ATP8B3: variants seen among roughly 807,000 people sequenced by gnomAD.
ATP8B3 encodes phospholipid-transporting ATPase IK.
In ATP8B3, 141 loss-of-function variants were observed where a neutral mutation model predicts 140.9. The ratio of observed to expected loss-of-function variants is 1.00; its 90% confidence interval spans 0.87 to 1.15. The LOEUF (loss-of-function observed/expected upper bound fraction) is 1.15. ATP8B3 is among the 50% of genes most tolerant of loss of function. The pLI is 0.00. For synonymous variants in ATP8B3, 765 were observed against 714.6 expected (o/e 1.07, Z -1.13); for missense variants, 1,874 against 1,740.6 (o/e 1.08, Z -1.36).
Position 1,800,066 on chromosome 19 carries a change from C to G in ATP8B3, c.1433G>C (p.Arg478Pro), listed in dbSNP as rs745956143. ...CAGGTGGTCGTTGAGGCTGGTGCTGCGGGCCTTGGCAGGCACGTCCTGCGG... is the reference window on the plus strand; with the variant it reads ...CAGGTGGTCGTTGAGGCTGGTGCTGGGGGCCTTGGCAGGCACGTCCTGCGG... ...YKPQDVPAKA[R>P]STSLNDHLGQ... The change falls in exon 14 of 29, where the codon CGC becomes CCC. Residue 478 changes from arginine (R) to proline (P), a missense_variant. Physicochemically the swap from Arg to Pro is moderately radical, Grantham distance 103. Coordinates refer to ENST00000310127, the MANE Select transcript of ATP8B3 (RefSeq NM_138813.4). The surrounding 1 kb of genome is among the most constrained non-coding windows in gnomAD (Gnocchi z 4.4). 6.3e-7 allele frequency: 1 copy of G among 1,589,352 alleles called. No homozygotes were observed. Among genetic ancestry groups the G allele is most frequent in the African/African-American group, 1.3e-5 (1 of 74,580 alleles).
rs550539015 is a variant in ATP8B3, at chr19:1,811,547, C to A, written c.190G>T (p.Glu64Ter). ...CCAGGCTGGGCCTTGTGCCTCCTCT[C>A]AGGTGCCCCTCTGCCTGGGGAGTCT... is the stretch of plus-strand genomic sequence containing the variant. ...MGDSPGRGAP[E>*]RRHKAQPGRA... is the part of the protein sequence containing the mutation. Residue 64 changes from glutamate (E) to a stop codon, truncating the protein, a stop_gained, in exon 2 of 29, where the codon GAG becomes TAG. Transcript: ENST00000310127. LOFTEE classifies it high-confidence loss of function. 8.7e-6 allele frequency: 14 copies of A among 1,612,386 alleles called. No individual in the cohort carries two copies. The highest frequency in any genetic ancestry group is 1.3e-5 in the African/African-American group (1 of 75,038).
Position 1,789,631 on chromosome 19 carries a change from C to T in ATP8B3, c.2575G>A (p.Asp859Asn), listed in dbSNP as rs776734132. The T allele has an allele frequency of 6.3e-7, 1 of 1,595,370 alleles. No individual in the cohort carries two copies. Among genetic ancestry groups the T allele is most frequent in the South Asian group, 1.1e-5 (1 of 88,948 alleles). Residue 859 changes from aspartate (D) to asparagine (N), a missense_variant, in exon 23 of 29, where the codon GAT (aspartate) becomes AAT (asparagine). By Grantham distance (23) the Asp-to-Asn change is conservative. Around this residue, in one of 3 missense-constraint regions of ATP8B3, gnomAD observed 840 missense variants for 760.9 expected, o/e 1.10. Transcript: ENST00000310127. ...AWQELGQSRR[D>N]FLYARRLSLL... ...GACAGGCGCCTGGCGTAGAGGAAAT[C>T]CCTCCTGGACTGGCCGAGCTCCTGC...
chr19:1,797,261 G>A (rs1441091699), intron 14 of ATP8B3, among the ~76,000 whole-genome samples: 2 of 151,848 alleles, frequency 1.3e-5, no homozygotes, highest in African/African-American at 4.8e-5. Context: ...GCCTGGAGCC[G>A]GATGCGGCCC....
At chr19:1,810,206 A>G (rs1184944576) in intron 3 of ATP8B3, among the ~76,000 whole-genome samples, 1 of 152,186 alleles carries the variant, frequency 6.6e-6, no homozygotes, top group Non-Finnish European at 1.5e-5. Flanking sequence ...AATCCTAGGC[A>G]AGGCCTGACG....
chr19:1,802,744 G>A (rs2068895505), intron 10 of ATP8B3, 99 bp from the exon 11 acceptor site: 18 of 1,404,814 alleles, frequency 1.3e-5, no homozygotes, highest in Non-Finnish European at 1.5e-5. Context: ...CCACCCTCAC[G>A]AGCCCCTCTG....
At chr19:1,783,680 G>A (rs2145165908) in intron 28 of ATP8B3, among the ~76,000 whole-genome samples, 1 of 152,322 alleles carries the variant, frequency 6.6e-6, no homozygotes, top group South Asian at 2.1e-4. Flanking sequence ...GTGAGCCTGG[G>A]ACAGCCAGGT....
At chr19:1,809,838 G>T (rs1012626222) in intron 3 of ATP8B3, 104 bp from the exon 4 acceptor site, 3 of 986,484 alleles carry the variant, frequency 3.0e-6, no homozygotes, top group Non-Finnish European at 4.6e-6. Context: ...CCCAGGCACT[G>T]GGGAGGCCCG....
In ATP8B3 at chr19:1,797,114, A is replaced by G. The variant is rs1163392435; in HGVS notation, c.1553-109T>C. The G allele has an allele frequency of 7.8e-6, 12 of 1,531,992 alleles. 1 individual carries two copies. The East Asian group carries it at 9.5e-5, about 12-fold the overall frequency. The allele number at this position is 1,531,992 out of a possible 1,614,324, so 94.9% of individuals were successfully genotyped here. ...TTCCGGGGGCCACTGGTGCAGCCAC[A>G]CAAGCCAGGCCTGTGGCCCTGGAAC... On this transcript the variant is annotated intron_variant, in intron 14 of 28. Transcript: ENST00000310127.
chr19:1,789,627 A>T lies in ATP8B3; in HGVS notation c.2579T>A (p.Phe860Tyr), dbSNP rs775511201. 4 of 1,594,912 alleles carry T rather than the reference A, an allele frequency of 2.5e-6. No homozygotes were observed. In the African/African-American group the frequency reaches 5.4e-5, roughly 21 times the overall value. The change falls in exon 23 of 29, where the codon TTC (phenylalanine) becomes TAC (tyrosine). Residue 860 changes from phenylalanine (F) to tyrosine (Y), a missense_variant. By Grantham distance (22) the Phe-to-Tyr change is conservative. Around this residue, in one of 3 missense-constraint regions of ATP8B3, gnomAD observed 840 missense variants for 760.9 expected, o/e 1.10. Transcript: ENST00000310127. Reference sequence around the variant, plus strand: ...CAGGGACAGGCGCCTGGCGTAGAGGAAATCCCTCCTGGACTGGCCGAGCTC... The same window carrying T: ...CAGGGACAGGCGCCTGGCGTAGAGGTAATCCCTCCTGGACTGGCCGAGCTC... ...WQELGQSRRD[F>Y]LYARRLSLLC...
rs150872407 is a variant in ATP8B3, at chr19:1,810,774, G to A, written c.249-91C>T. The A allele has an allele frequency of 6.8e-4, 847 of 1,237,292 alleles. 6 individuals are homozygous for A. In the East Asian group the frequency reaches 0.013, roughly 19 times the overall value. The allele number at this position is 1,237,292 out of a possible 1,614,324, so 76.6% of individuals were successfully genotyped here. A position where few individuals can be genotyped will look rare whatever the true frequency, so the allele number is the denominator to read the frequency against. On this transcript the variant is annotated intron_variant, in intron 2 of 28. Coordinates refer to ENST00000310127, the MANE Select transcript of ATP8B3 (RefSeq NM_138813.4). ...TCAAGGAGCTCACAGCCTAGGGGCC[G>A]ACCCTCTCAAATGCTACCTCCCACA...
rs2068418604 is a variant in ATP8B3, at chr19:1,789,482, C to T, written c.2724G>A (p.Ala908=). The part of the protein sequence containing the change: ...AFVDLASKCQ[A]VICCRVTPKQ... Reference sequence around the variant, plus strand: ...TGGGCGTCACGCGGCAGCAGATGACCGCCTGGCACTTGGACGCCAGGTCCA... The same window carrying T: ...TGGGCGTCACGCGGCAGCAGATGACTGCCTGGCACTTGGACGCCAGGTCCA... The change falls in exon 23 of 29, where the codon GCG becomes GCA. Residue 908 remains alanine, a synonymous_variant. Coordinates refer to ENST00000310127, the MANE Select transcript of ATP8B3 (RefSeq NM_138813.4). 1 of 1,597,828 alleles carries T rather than the reference C, an allele frequency of 6.3e-7. No homozygotes were observed. Among genetic ancestry groups the T allele is most frequent in the South Asian group, 1.1e-5 (1 of 90,976 alleles).
rs376570521 is a variant in ATP8B3, at chr19:1,800,299, T to G, written c.1303A>C (p.Ile435Leu). Reference protein sequence around the residue: ...ESFFVFWSFLILLSVTIPMSM... With the variant: ...ESFFVFWSFLLLLSVTIPMSM... ...ATCGGGATGGTGACGCTGAGCAGGATGAGGAAGCTCCAGAAGACGAAGAAG... is the reference window on the plus strand; with the variant it reads ...ATCGGGATGGTGACGCTGAGCAGGAGGAGGAAGCTCCAGAAGACGAAGAAG... The change falls in exon 13 of 29, where the codon ATC becomes CTC. Residue 435 changes from isoleucine to leucine, a missense_variant. Transcript: ENST00000310127. This position sits in a 1 kb window ranked among gnomAD's most constrained non-coding sequence, Gnocchi z 4.4. The G allele has an allele frequency of 2.5e-6, 4 of 1,612,552 alleles. No individual in the cohort carries two copies. The African/African-American group carries it at 5.3e-5, about 22-fold the overall frequency.
Position 1,807,409 on chromosome 19 carries a change from A to C in ATP8B3, c.517-143T>G. On this transcript the variant is annotated intron_variant, in intron 5 of 28. Transcript: ENST00000310127. This position sits in a 1 kb window ranked among gnomAD's most constrained non-coding sequence, Gnocchi z 5.9. ...GACCGGGGTCCAGCCATCTCCTGCA[A>C]CCCCCAGCCCTCGGGACAAACGCCC... 4.7e-6 allele frequency: 3 copies of C among 644,178 alleles called. No individual in the cohort carries two copies. The highest frequency in any genetic ancestry group is 8.2e-6 in the Non-Finnish European group (3 of 367,082). 39.9% of individuals were successfully genotyped at this position (644,178 alleles called of 1,614,324 possible).
At chr19:1,787,016 G>A in intron 25 of ATP8B3, 87 bp downstream of exon 25, 5 of 1,313,642 alleles carry the variant, frequency 3.8e-6, no homozygotes, top group Non-Finnish European at 5.3e-6. Context: ...GGTCTCCCAG[G>A]CTCCCTCTCC....
Position 1,802,754 on chromosome 19 carries a change from G to A in ATP8B3, c.905-109C>T, listed in dbSNP as rs2068895821. ...TCCGGCCACCCTCACGAGCCCCTCT[G>A]TGCCCCAAACTTGCCCTATGGTGCC... On this transcript the variant is annotated intron_variant, in intron 10 of 28. Transcript: ENST00000310127. The A allele has an allele frequency of 4.4e-6, 6 of 1,362,636 alleles. No individual in the cohort carries two copies. In the Admixed American group the frequency reaches 1.1e-4, roughly 24 times the overall value. The allele number at this position is 1,362,636 out of a possible 1,614,324, so 84.4% of individuals were successfully genotyped here. A position where few individuals can be genotyped will look rare whatever the true frequency, so the allele number is the denominator to read the frequency against.
intron 14 of ATP8B3, chr19:1,799,448 A>C: frequency 5.3e-6 from 1 of 189,116 alleles, no homozygotes; most frequent in Non-Finnish European, 1.1e-5. Flanking sequence ...AACGAGAGCA[A>C]AACTCCGTCT....
At position 1,795,985 on chromosome 19, in the gene ATP8B3, G is replaced by A. The variant is rs187576612; in HGVS notation, c.1945C>T (p.Arg649Ter). 2,260 of 1,613,120 alleles carry A rather than the reference G, an allele frequency of 1.4e-3. 7 individuals are homozygous for A. Among genetic ancestry groups the A allele is most frequent in the Middle Eastern group, 4.6e-3 (28 of 6,062 alleles). ...STRKRMSVLV[R>*]KPEGAICLYT... ...AGGCAGATGGCGCCCTCTGGCTTTC[G>A]AACTGTGGGGGAACAGGCCCTGCTG... Residue 649 changes from arginine to a stop codon, truncating the protein, a stop_gained and splice_region_variant, in exon 18 of 29, where the codon CGA (arginine) becomes TGA (stop). Transcript: ENST00000310127. LOFTEE classifies it high-confidence loss of function.
At chr19:1,792,191 A>G in intron 18 of ATP8B3, 56 bp from the exon 19 acceptor site, 1 of 1,492,144 alleles carries the variant, frequency 6.7e-7, no homozygotes, top group Non-Finnish European at 8.9e-7. Context: ...TCCGAGGCTC[A>G]GCCCTCCCCA....
At chr19:1,808,163 A>C in intron 5 of ATP8B3, 59 bp downstream of exon 5, 1 of 1,384,534 alleles carries the variant, frequency 7.2e-7, no homozygotes, top group Admixed American at 1.9e-5. Flanking sequence ...ACACAGACAA[A>C]CACATCGATG....
Sources: gnomAD v4.1 joint callset for allele counts (sites outside exome capture counted in the v4.1 genomes callset) on GRCh38, gnomAD v4.1.1 for gene constraint, gnomAD v4.1.1 regional missense constraint, Gnocchi (gnomAD v3.1) non-coding constraint, MANE v1.5 for transcripts, NCBI Gene and HGNC (gene_info 2026-07-23, HGNC 2026-07-21) for gene names.